The following PTPRD variants were observed in gnomAD, a reference collection of about 807,000 sequenced individuals.
The protein encoded by PTPRD is protein tyrosine phosphatase receptor type D.
A neutral mutation model predicts 214.5 loss-of-function variants in PTPRD; 34 were observed. The ratio of observed to expected loss-of-function variants is 0.16; its 90% CI spans 0.12 to 0.21. The LOEUF (loss-of-function observed/expected upper bound fraction) is 0.21. Ranked by LOEUF, PTPRD falls within the 10% of genes least tolerant of loss-of-function variation. The pLI is 1.00. For synonymous variants in PTPRD, 1,128 were observed against 845.7 expected, an observed-to-expected ratio of 1.33 and a Z score of -5.79; for missense variants, 2,545 against 2,398.7, an observed-to-expected ratio of 1.06 and a Z score of -1.27.
chr9:8,890,627 C>T (rs1329953785), intron 11 of PTPRD, among the ~76,000 whole-genome samples: 4 of 152,186 alleles, frequency 2.6e-5, no homozygotes, highest in Non-Finnish European at 5.9e-5. Flanking sequence ...TTTTCAGATT[C>T]CCTTAAATAT....
At chr9:9,252,777 A>C (rs1365397882) in intron 9 of PTPRD, among the ~76,000 whole-genome samples, 2 of 152,080 alleles carry the variant, frequency 1.3e-5, no homozygotes, top group African/African-American at 4.8e-5. Flanking sequence ...CTTCTGGGTT[A>C]TTCATTGCTG....
At chr9:9,689,722 TGA>T (rs1330695714) in intron 7 of PTPRD, among the ~76,000 whole-genome samples, 1 of 151,920 alleles carries the variant, frequency 6.6e-6, no homozygotes, top group African/African-American at 2.4e-5. Context: ...TTCCCATATA[TGA>T]GGAAGAGTAC....
chr9:8,483,325 T>C (rs1043648697), intron 30 of PTPRD, among the ~76,000 whole-genome samples: 1 of 152,258 alleles, frequency 6.6e-6, no homozygotes, highest in Admixed American at 6.5e-5. Flanking sequence ...CAGTGTCATA[T>C]ACCATTATCT....
intron 34 of PTPRD, among the ~76,000 whole-genome samples, 181 bp downstream of exon 34, chr9:8,449,544 G>A (rs186109998): frequency 2.6e-5 from 4 of 152,282 alleles, no homozygotes; most frequent in Admixed American, 2.6e-4. Context: ...TTTCCGGTTT[G>A]CAGAAAGAAC....
intron 10 of PTPRD, among the ~76,000 whole-genome samples, chr9:9,081,453 G>C (rs908560434): frequency 6.6e-6 from 1 of 152,132 alleles, no homozygotes; most frequent in Non-Finnish European, 1.5e-5. Context: ...ATGCACTCCT[G>C]AGAAGAATGT....
In PTPRD at chr9:8,383,901, C is replaced by T. The variant is rs1283955633; in HGVS notation, c.4386+5331G>A. 5.3e-5 allele frequency among the ~76,000 whole-genome samples: 8 copies of T among 152,236 alleles called. No individual in the cohort carries two copies. The East Asian group carries it at 1.2e-3, about 22-fold the overall frequency. ...CAGATATATTCTAACCCTGACTAAG[C>T]CTTTCAACTGCTAATACTAATCAGG... is the stretch of plus-strand genomic sequence containing the variant. On this transcript the variant is annotated intron_variant, in intron 37 of 45. Transcript: ENST00000381196.
At chr9:10,231,202 A>C (rs1471864027) in intron 3 of PTPRD, among the ~76,000 whole-genome samples, 1 of 152,004 alleles carries the variant, frequency 6.6e-6, no homozygotes, top group Non-Finnish European at 1.5e-5. Context: ...TGACATACAA[A>C]TGTATGCTTT....
chr9:10,146,351 A>C (rs2099023022), intron 3 of PTPRD, among the ~76,000 whole-genome samples: 1 of 152,070 alleles, frequency 6.6e-6, no homozygotes, highest in African/African-American at 2.4e-5. Context: ...ATACATGGTT[A>C]ATAAGACCAA....
intron 9 of PTPRD, among the ~76,000 whole-genome samples, chr9:9,260,022 A>G (rs747597513): frequency 2.0e-5 from 3 of 151,934 alleles, no homozygotes; most frequent in Non-Finnish European, 4.4e-5. Context: ...TGCAGAATTT[A>G]ACAGTCAGAT....
At chr9:9,684,354 T>G (rs944156027) in intron 7 of PTPRD, among the ~76,000 whole-genome samples, 9 of 151,672 alleles carry the variant, frequency 5.9e-5, no homozygotes, top group African/African-American at 1.9e-4. Context: ...CTATCAATGT[T>G]GGGTGCATTT....
intron 8 of PTPRD, among the ~76,000 whole-genome samples, chr9:9,479,731 AAAAACAAAAC>A (rs60632035): frequency 7.3e-5 from 11 of 150,004 alleles, no homozygotes; most frequent in Non-Finnish European, 1.3e-4. Context: ...CAGCAAAAAC[AAAAACAAAAC>A]AAAACAAAAC....
intron 12 of PTPRD, among the ~76,000 whole-genome samples, chr9:8,710,786 A>G (rs192334074): frequency 6.6e-6 from 1 of 152,276 alleles, no homozygotes; most frequent in African/African-American, 2.4e-5. Context: ...TATTAAAAAG[A>G]CTTTATTTCT....
chr9:8,632,724 T>C (rs896422619), intron 14 of PTPRD, among the ~76,000 whole-genome samples: 1 of 152,030 alleles, frequency 6.6e-6, no homozygotes, highest in African/African-American at 2.4e-5. Flanking sequence ...CTTTGTCAAA[T>C]TGTGTAAGCA....
chr9:9,423,547 C>A (rs1332587083), intron 8 of PTPRD, among the ~76,000 whole-genome samples: 1 of 151,972 alleles, frequency 6.6e-6, no homozygotes, highest in Non-Finnish European at 1.5e-5. Context: ...ACAAAAAATG[C>A]CGTGAGAATA....
intron 4 of PTPRD, among the ~76,000 whole-genome samples, chr9:9,988,549 G>C (rs1030697493): frequency 6.6e-6 from 1 of 152,124 alleles, no homozygotes; most frequent in Non-Finnish European, 1.5e-5. Flanking sequence ...CAAAGATAAA[G>C]TGCCAGACCT....
intron 10 of PTPRD, among the ~76,000 whole-genome samples, chr9:9,049,266 T>G (rs1262916596): frequency 2.0e-5 from 3 of 152,094 alleles, no homozygotes; most frequent in Non-Finnish European, 4.4e-5. Context: ...CTGAGAAAAA[T>G]GTTATCAAGT....
chr9:9,788,073 C>T (rs538364997), intron 5 of PTPRD, among the ~76,000 whole-genome samples: 2 of 150,900 alleles, frequency 1.3e-5, no homozygotes, highest in Non-Finnish European at 3.0e-5. Flanking sequence ...CGTGAGCCAT[C>T]GCGCCCAGCC....
At chr9:8,598,710 T>C (rs961413975) in intron 14 of PTPRD, among the ~76,000 whole-genome samples, 1 of 152,120 alleles carries the variant, frequency 6.6e-6, no homozygotes, top group Non-Finnish European at 1.5e-5. Context: ...TCCTTCATCA[T>C]GAATGGGAGA....
At chr9:8,619,911 T>C (rs1031929557) in intron 14 of PTPRD, among the ~76,000 whole-genome samples, 13 of 152,012 alleles carry the variant, frequency 8.6e-5, no homozygotes, top group Admixed American at 2.6e-4. Flanking sequence ...GAATAAACTT[T>C]AGAGTCAGAA....
Sources: gnomAD v4.1 joint callset for allele counts (sites outside exome capture counted in the v4.1 genomes callset) on GRCh38, gnomAD v4.1.1 for gene constraint, MANE v1.5 for transcripts, NCBI Gene and HGNC (gene_info 2026-07-23, HGNC 2026-07-21) for gene names.